CWF19L2: variants seen among roughly 807,000 people sequenced by gnomAD.
The protein encoded by CWF19L2 is CWF19-like protein 2.
A neutral mutation model predicts 111.7 loss-of-function variants in CWF19L2; 98 were observed. The observed-to-expected ratio is 0.88, with a 90% CI of 0.75 to 1.04. The LOEUF (loss-of-function observed/expected upper bound fraction) is 1.04, where lower values mean the gene tolerates loss of function less well. Among genes scored for constraint, CWF19L2 ranks in the 50% least tolerant of loss-of-function variants. The probability of loss-of-function intolerance (pLI) is 0.00; values close to 1 mark genes in which losing one functional copy is unlikely to be tolerated. For synonymous variants in CWF19L2, 351 were observed against 342.9 expected (o/e 1.02, Z -0.26); for missense variants, 1,101 against 1,051.4 (o/e 1.05, Z -0.65).
At chr11:107,360,705 T>A (rs1393121755) in intron 12 of CWF19L2, among the ~76,000 whole-genome samples, 2 of 152,248 alleles carry the variant, frequency 1.3e-5, no homozygotes, top group African/African-American at 4.8e-5. Flanking sequence ...AATATCTCAC[T>A]GTGGTTTTAA....
rs541217510 is a variant in CWF19L2, at chr11:107,406,547, G to A, written c.1617+9662C>T. On this transcript the variant is annotated intron_variant, in intron 10 of 17. Transcript: ENST00000282251. ...TTTGTACAAAAGCATTCACAGGACT[G>A]CATCTGCCCAAAGGAGACATCTTTT... Among the ~76,000 whole-genome samples, 3 of 152,300 alleles carry A rather than the reference G, an allele frequency of 2.0e-5. No individual in the cohort carries two copies. The South Asian group carries it at 6.2e-4, about 32-fold the overall frequency.
At chr11:107,354,343 A>C (rs1231403298) in intron 12 of CWF19L2, among the ~76,000 whole-genome samples, 1 of 152,206 alleles carries the variant, frequency 6.6e-6, no homozygotes, top group East Asian at 1.9e-4. Flanking sequence ...TAGATTCCAC[A>C]GTCAAAATGA....
At chr11:107,369,903 C>T (rs1387704538) in intron 12 of CWF19L2, among the ~76,000 whole-genome samples, 1 of 138,168 alleles carries the variant, frequency 7.2e-6, no homozygotes, top group Admixed American at 7.1e-5. Context: ...TTAAAACTAA[C>T]TTTCAAGTGT....
rs1360094749 is a variant in CWF19L2, at chr11:107,353,661, G to A, written c.1948C>T (p.Leu650Phe). Residue 650 changes from leucine to phenylalanine, a missense_variant, in exon 13 of 18, where the codon CTT (leucine) becomes TTT (phenylalanine). Physicochemically the swap from Leu to Phe is conservative, Grantham distance 22 (BLOSUM62 0). Coordinates refer to ENST00000282251, the MANE Select transcript of CWF19L2 (RefSeq NM_152434.3). Reference sequence around the variant, plus strand: ...CTTTGGTTCTCTTCCTCTTCACCAAGACGTTCTCTCTCAGCTGCTTTGGAG... The same window carrying A: ...CTTTGGTTCTCTTCCTCTTCACCAAAACGTTCTCTCTCAGCTGCTTTGGAG... ...FVSKAAERER[L>F]GEEEENQRKK... is the part of the protein sequence containing the mutation. 1 of 1,613,756 alleles carries A rather than the reference G, an allele frequency of 6.2e-7. No homozygotes were observed. The highest frequency in any genetic ancestry group is 8.5e-7 in the Non-Finnish European group (1 of 1,179,746).
chr11:107,394,556 G>C (rs1271340069), intron 10 of CWF19L2, among the ~76,000 whole-genome samples: 1 of 151,992 alleles, frequency 6.6e-6, no homozygotes, highest in Non-Finnish European at 1.5e-5. Context: ...CTCTCTCCTG[G>C]TTCTGCCTTT....
At chr11:107,404,519 C>G in intron 10 of CWF19L2, 1 of 715,920 alleles carries the variant, frequency 1.4e-6, no homozygotes, top group Non-Finnish European at 2.6e-6. Context: ...TCCCACAAAC[C>G]TTGGAGTGCT....
rs761215951 is a variant in CWF19L2 at position 107,442,735 on chromosome 11, AAAGGAAGGAAGGAAGGAAGGAAGGAAGG to A, written c.450+176_450+203del. ...GAGAGAGAGAGAAAGAGAAAGAAAG[AAAGGAAGGAAGGAAGGAAGGAAGGAAGG>A]AAGGAAGGAAGGAAGGAAGGAAGGA... On this transcript the variant is annotated intron_variant, in intron 4 of 17. Coordinates refer to ENST00000282251, the MANE Select transcript of CWF19L2 (RefSeq NM_152434.3). Among the ~76,000 whole-genome samples, 502 of 73,130 alleles carry A rather than the reference AAAGGAAGGAAGGAAGGAAGGAAGGAAGG, an allele frequency of 6.9e-3. 1 individual carries two copies. The highest frequency in any genetic ancestry group is 0.01 in the Non-Finnish European group (380 of 37,962). The allele number at this position is 73,130 out of a possible 152,430, so 48.0% of individuals were successfully genotyped here. A position where few individuals can be genotyped will look rare whatever the true frequency, so the allele number is the denominator to read the frequency against.
intron 13 of CWF19L2, among the ~76,000 whole-genome samples, chr11:107,353,036 T>C (rs1860179905): frequency 6.6e-6 from 1 of 152,138 alleles, no homozygotes; most frequent in Non-Finnish European, 1.5e-5. Context: ...TATGCATCTT[T>C]ACTAAAGTTC....
intron 12 of CWF19L2, among the ~76,000 whole-genome samples, chr11:107,362,535 A>C (rs1860369959): frequency 6.6e-6 from 1 of 151,940 alleles, no homozygotes; most frequent in South Asian, 2.1e-4. Flanking sequence ...CGAGCAGCCT[A>C]ACTGGGAGGC....
intron 3 of CWF19L2, among the ~76,000 whole-genome samples, chr11:107,446,423 A>C (rs1450810927): frequency 6.6e-6 from 1 of 152,220 alleles, no homozygotes; most frequent in Non-Finnish European, 1.5e-5. Flanking sequence ...AATGCTTACT[A>C]ATCTATCTAG....
rs10578324 is a variant in CWF19L2, at chr11:107,328,138, C to CAA, written c.2542-1087_2542-1086dup. On this transcript the variant is annotated intron_variant, in intron 17 of 17. Transcript: ENST00000282251. ...TCAAAGCAGACCATTTGTGGAGACT[C>CAA]AAAAAAAAAAAAAAAAAAACAATCT... is the stretch of plus-strand genomic sequence containing the variant. Among the ~76,000 whole-genome samples the CAA allele has an allele frequency of 1.9e-3, 230 of 118,396 alleles. 2 individuals are homozygous for CAA. Among genetic ancestry groups the CAA allele is most frequent in the Middle Eastern group, 9.1e-3 (2 of 220 alleles). The allele number at this position is 118,396 out of a possible 152,430, so 77.7% of individuals were successfully genotyped here. A position where few individuals can be genotyped will look rare whatever the true frequency, so the allele number is the denominator to read the frequency against.
intron 10 of CWF19L2, among the ~76,000 whole-genome samples, chr11:107,408,769 G>C (rs1861116796): frequency 6.6e-6 from 1 of 151,738 alleles, no homozygotes; most frequent in Non-Finnish European, 1.5e-5. Flanking sequence ...ATGACTAAAA[G>C]GAAATAATAT....
chr11:107,335,835 A>G (rs1163436873), intron 15 of CWF19L2, among the ~76,000 whole-genome samples: 2 of 152,216 alleles, frequency 1.3e-5, no homozygotes, highest in African/African-American at 4.8e-5. Context: ...GAACAGATAC[A>G]GTGCTATTAC....
intron 5 of CWF19L2, 118 bp from the exon 6 acceptor site, chr11:107,439,301 C>G (rs1861587710): frequency 1.6e-6 from 1 of 639,158 alleles, no homozygotes; most frequent in African/African-American, 1.9e-5. Context: ...TCATTTAAAA[C>G]ATTCTTAAGA....
intron 8 of CWF19L2, among the ~76,000 whole-genome samples, chr11:107,424,267 C>T (rs1378812673): frequency 6.6e-6 from 1 of 151,414 alleles, no homozygotes; most frequent in Non-Finnish European, 1.5e-5. Context: ...CCATACTAAC[C>T]TCAGGGATCT....
At chr11:107,373,851 C>A in intron 12 of CWF19L2, among the ~76,000 whole-genome samples, 2 of 132,432 alleles carry the variant, frequency 1.5e-5, no homozygotes, top group Non-Finnish European at 1.6e-5. Context: ...GAACCAAAGG[C>A]AAAGAAGTTG....
At chr11:107,390,983 T>C (rs2134594939) in intron 11 of CWF19L2, among the ~76,000 whole-genome samples, 1 of 152,308 alleles carries the variant, frequency 6.6e-6, no homozygotes, top group Non-Finnish European at 1.5e-5. Context: ...TCTCCCATGC[T>C]GGATGCTTCC....
chr11:107,439,154 C>T lies in CWF19L2; in HGVS notation c.600G>A (p.Pro200=), dbSNP rs773657776. The T allele has an allele frequency of 2.8e-5, 45 of 1,608,388 alleles. No homozygotes were observed. Among genetic ancestry groups the T allele is most frequent in the African/African-American group, 9.4e-5 (7 of 74,634 alleles). ...QSKLMERELN[P]YWKDGGTGLP... ...GACCTGTCCCACCATCCTTCCAGTA[C>T]GGATTCAATTCTCTTTCCATCAGTT... Residue 200 remains proline (P), a synonymous_variant, in exon 6 of 18, where the codon CCG becomes CCA. Coordinates refer to ENST00000282251, the MANE Select transcript of CWF19L2 (RefSeq NM_152434.3).
chr11:107,389,939 TA>T, intron 12 of CWF19L2, 134 bp downstream of exon 12: 1 of 713,428 alleles, frequency 1.4e-6, no homozygotes, highest in Non-Finnish European at 2.2e-6. Context: ...ATGTTTCTAA[TA>T]AGTCTTACAA....
Sources: gnomAD v4.1 joint callset for allele counts (sites outside exome capture counted in the v4.1 genomes callset) on GRCh38, gnomAD v4.1.1 for gene constraint, MANE v1.5 for transcripts, NCBI Gene and HGNC (gene_info 2026-07-23, HGNC 2026-07-21) for gene names.